The following PROS1 variants were observed in gnomAD, a reference collection of about 807,000 sequenced individuals.
The protein encoded by PROS1 is vitamin K-dependent protein S.
In PROS1, 29 loss-of-function variants were observed where a neutral mutation model predicts 75.9. The observed-to-expected ratio is 0.38, with a 90% CI of 0.28 to 0.52. PROS1 has a LOEUF of 0.52. PROS1 is among the 20% of genes least tolerant of loss of function. The pLI is 0.83. For synonymous variants in PROS1, 245 were observed against 280.6 expected, an observed-to-expected ratio of 0.87 and a Z score of 1.27; for missense variants, 680 against 810.3, an observed-to-expected ratio of 0.84 and a Z score of 1.95.
At chr3:93,897,367 G>A (rs1349524131) in intron 8 of PROS1, among the ~76,000 whole-genome samples, 2 of 151,946 alleles carry the variant, frequency 1.3e-5, no homozygotes, top group Non-Finnish European at 1.5e-5. Flanking sequence ...CACATATGAG[G>A]ATATTTTGAG....
At chr3:93,928,901 AT>A in intron 1 of PROS1, 2 of 380,604 alleles carry the variant, frequency 5.3e-6, no homozygotes, top group East Asian at 1.7e-4. Flanking sequence ...TAAAAATTAT[AT>A]TTTTGCATAT....
chr3:93,935,707 T>C (rs1709172241), intron 1 of PROS1, among the ~76,000 whole-genome samples: 1 of 152,108 alleles, frequency 6.6e-6, no homozygotes, highest in Non-Finnish European at 1.5e-5. Context: ...TATTTGCAAG[T>C]GAGATTACTT....
chr3:93,950,766 T>A (rs1267717336), intron 1 of PROS1, among the ~76,000 whole-genome samples: 4 of 152,092 alleles, frequency 2.6e-5, no homozygotes, highest in Non-Finnish European at 5.9e-5. Flanking sequence ...ATTCTAAAAA[T>A]CAGAGCTCCT....
chr3:93,901,345 T>C (rs751328064), intron 6 of PROS1, among the ~76,000 whole-genome samples: 62 of 152,222 alleles, frequency 4.1e-4, no homozygotes, highest in Non-Finnish European at 6.8e-4. Context: ...TACACTACTA[T>C]TGTTGTCTAA....
chr3:93,962,933 G>T (rs1258318818), intron 1 of PROS1, among the ~76,000 whole-genome samples: 1 of 152,214 alleles, frequency 6.6e-6, no homozygotes, highest in Non-Finnish European at 1.5e-5. Flanking sequence ...CACAGGAGTC[G>T]AAAGGCTGCC....
chr3:93,882,082 ATAATAT>A (rs1388715335), intron 12 of PROS1, among the ~76,000 whole-genome samples: 1 of 152,196 alleles, frequency 6.6e-6, no homozygotes, highest in Non-Finnish European at 1.5e-5. Context: ...AATTAGAGAA[ATAATAT>A]TAATATTCAA....
At chr3:93,895,302 G>A (rs542266117) in intron 9 of PROS1, among the ~76,000 whole-genome samples, 2 of 152,216 alleles carry the variant, frequency 1.3e-5, no homozygotes, top group South Asian at 4.1e-4. Flanking sequence ...TTATTTACTA[G>A]AACTAATATT....
At chr3:93,953,293 C>A (rs36136007) in intron 1 of PROS1, among the ~76,000 whole-genome samples, 1 of 152,148 alleles carries the variant, frequency 6.6e-6, no homozygotes, top group African/African-American at 2.4e-5. Flanking sequence ...GAATTGTAGA[C>A]CAATATCCCT....
intron 1 of PROS1, among the ~76,000 whole-genome samples, chr3:93,950,610 C>A (rs568530598): frequency 3.3e-5 from 5 of 152,334 alleles, no homozygotes; most frequent in Admixed American, 2.6e-4. Flanking sequence ...AACAGACCTG[C>A]AGCTGAGGTT....
At chr3:93,941,253 A>G (rs1709283233) in intron 1 of PROS1, among the ~76,000 whole-genome samples, 1 of 152,122 alleles carries the variant, frequency 6.6e-6, no homozygotes, top group African/African-American at 2.4e-5. Flanking sequence ...TCTCAAAAAG[A>G]CACCCTCCTG....
intron 1 of PROS1, among the ~76,000 whole-genome samples, chr3:93,970,140 T>C (rs899488240): frequency 6.6e-6 from 1 of 151,986 alleles, no homozygotes; most frequent in African/African-American, 2.4e-5. Context: ...GTAAAAGGAA[T>C]AGTTAGAGAA....
intron 1 of PROS1, among the ~76,000 whole-genome samples, chr3:93,951,993 A>G (rs542335004): frequency 9.2e-5 from 14 of 152,372 alleles, no homozygotes; most frequent in Admixed American, 5.9e-4. Flanking sequence ...GAAGTCCATT[A>G]CATAATGGTA....
At chr3:93,935,954 T>C (rs1224996823) in intron 1 of PROS1, among the ~76,000 whole-genome samples, 2 of 141,984 alleles carry the variant, frequency 1.4e-5, no homozygotes, top group African/African-American at 2.6e-5. Flanking sequence ...CAAGTCCACA[T>C]TAAAAAAAAA....
At position 93,956,563 on chromosome 3, in the gene PROS1, A is replaced by AACACACACAC. The variant is rs35328809; in HGVS notation, c.76+17101_76+17110dup. ...ACACACACACACACACACACACACA[A>AACACACACAC]ACACACACACACACACACACACACA... On this transcript the variant is annotated intron_variant, in intron 1 of 14. Transcript: ENST00000394236. Among the ~76,000 whole-genome samples the AACACACACAC allele has an allele frequency of 1.7e-4, 22 of 128,380 alleles. No individual in the cohort carries two copies. The East Asian group carries it at 4.1e-3, about 24-fold the overall frequency. 84.2% of individuals were successfully genotyped at this position (128,380 alleles called of 152,430 possible).
chr3:93,926,857 T>C (rs1001547904), intron 2 of PROS1, among the ~76,000 whole-genome samples: 26 of 152,102 alleles, frequency 1.7e-4, no homozygotes, highest in Non-Finnish European at 3.5e-4. Flanking sequence ...AACTGAACTA[T>C]AGTTTAGTCA....
At chr3:93,905,571 C>T (rs994459061) in intron 6 of PROS1, among the ~76,000 whole-genome samples, 3 of 152,210 alleles carry the variant, frequency 2.0e-5, no homozygotes, top group Admixed American at 6.5e-5. Context: ...AGCCACTCTA[C>T]TCCAGTCTGG....
At chr3:93,904,355 A>C (rs2107168543) in intron 6 of PROS1, among the ~76,000 whole-genome samples, 1 of 152,334 alleles carries the variant, frequency 6.6e-6, no homozygotes, top group South Asian at 2.1e-4. Context: ...ATCCAAACTC[A>C]AACAGACCTT....
At chr3:93,906,252 A>G in intron 4 of PROS1, 109 bp from the exon 5 acceptor site, 4 of 1,121,964 alleles carry the variant, frequency 3.6e-6, no homozygotes, top group Non-Finnish European at 5.2e-6. Flanking sequence ...AAAAAAAAAC[A>G]CACAACTCCT....
At chr3:93,930,790 T>C (rs1284502957) in intron 1 of PROS1, among the ~76,000 whole-genome samples, 1 of 152,200 alleles carries the variant, frequency 6.6e-6, no homozygotes, top group East Asian at 1.9e-4. Context: ...GCATGCAACA[T>C]ATTTTTCCAT....
Sources: gnomAD v4.1 joint callset for allele counts (sites outside exome capture counted in the v4.1 genomes callset) on GRCh38, gnomAD v4.1.1 for gene constraint, MANE v1.5 for transcripts, NCBI Gene and HGNC (gene_info 2026-07-23, HGNC 2026-07-21) for gene names.